The following KCNH1 variants were observed in gnomAD, a reference collection of about 807,000 sequenced individuals.
The protein encoded by KCNH1 is potassium voltage-gated channel subfamily H member 1.
KCNH1 carries 27 observed loss-of-function variants against 69.2 expected under a neutral mutation model. The observed-to-expected ratio is 0.39, with a 90% confidence interval of 0.29 to 0.54. KCNH1 has a LOEUF of 0.54. KCNH1 is among the 20% of genes least tolerant of loss of function. The pLI, the probability that KCNH1 is intolerant of heterozygous loss-of-function variation, is 0.68. For missense variants in KCNH1, 798 were observed against 1,261.6 expected (o/e 0.63, Z 5.57); for synonymous variants, 456 against 487.7 (o/e 0.93, Z 0.86).
At chr1:211,016,582 A>C (rs1461979784) in intron 6 of KCNH1, among the ~76,000 whole-genome samples, 1 of 152,166 alleles carries the variant, frequency 6.6e-6, no homozygotes, top group Non-Finnish European at 1.5e-5. Context: ...ATGTGCTCAC[A>C]GAGAAAAGTA....
At chr1:210,790,240 C>T (rs188830868) in intron 9 of KCNH1, among the ~76,000 whole-genome samples, 65 of 152,358 alleles carry the variant, frequency 4.3e-4, no homozygotes, top group African/African-American at 1.5e-3. Context: ...TGATTCCAGA[C>T]CCACAGGGTC....
intron 10 of KCNH1, among the ~76,000 whole-genome samples, chr1:210,705,325 G>A (rs1681882414): frequency 6.6e-6 from 1 of 152,206 alleles, no homozygotes. Context: ...GAGAAGAACT[G>A]CAGGCCTCAC....
intron 5 of KCNH1, among the ~76,000 whole-genome samples, chr1:211,033,250 A>C (rs1386266234): frequency 6.6e-6 from 1 of 152,264 alleles, no homozygotes; most frequent in Non-Finnish European, 1.5e-5. Flanking sequence ...ATCATTAAAA[A>C]GTCAGGAAAC....
intron 7 of KCNH1, among the ~76,000 whole-genome samples, chr1:210,831,853 A>G (rs1486278465): frequency 6.6e-6 from 1 of 152,168 alleles, no homozygotes; most frequent in Non-Finnish European, 1.5e-5. Context: ...GCTGCTTAAT[A>G]GAACTTTCTG....
At chr1:211,127,084 G>A (rs577253331) in intron 1 of KCNH1, among the ~76,000 whole-genome samples, 4 of 152,240 alleles carry the variant, frequency 2.6e-5, no homozygotes, top group South Asian at 2.1e-4. Flanking sequence ...GTTGGCCTCC[G>A]TCATAGATTC....
intron 6 of KCNH1, among the ~76,000 whole-genome samples, chr1:210,998,331 C>G (rs376348293): frequency 6.6e-6 from 1 of 151,744 alleles, no homozygotes; most frequent in South Asian, 2.1e-4. Flanking sequence ...ACCAAGAAAA[C>G]GGAGAACAAA....
intron 10 of KCNH1, among the ~76,000 whole-genome samples, chr1:210,698,735 T>C (rs1328028089): frequency 6.6e-6 from 1 of 152,130 alleles, no homozygotes; most frequent in Non-Finnish European, 1.5e-5. Flanking sequence ...AACAACCCTA[T>C]GGGTAGCCAC....
intron 7 of KCNH1, among the ~76,000 whole-genome samples, chr1:210,806,478 CT>C (rs1684552265): frequency 6.6e-6 from 1 of 151,748 alleles, no homozygotes; most frequent in Admixed American, 6.6e-5. Flanking sequence ...TTTGAAAATA[CT>C]TTCTCATATC....
chr1:210,937,755 T>C (rs1383324590), intron 6 of KCNH1, among the ~76,000 whole-genome samples: 2 of 151,778 alleles, frequency 1.3e-5, no homozygotes, highest in Non-Finnish European at 2.9e-5. Context: ...TAACATTCTT[T>C]TAATAACCTT....
intron 10 of KCNH1, among the ~76,000 whole-genome samples, chr1:210,746,675 G>A (rs750892055): frequency 1.1e-4 from 17 of 151,774 alleles, no homozygotes; most frequent in Non-Finnish European, 2.2e-4. Context: ...AGCCTCCTGC[G>A]TAGCTGGATT....
intron 5 of KCNH1, among the ~76,000 whole-genome samples, chr1:211,068,184 G>A (rs1031671780): frequency 5.3e-5 from 8 of 152,170 alleles, no homozygotes; most frequent in Non-Finnish European, 1.0e-4. Flanking sequence ...AGTGGGAGAG[G>A]TTTCACTGAA....
chr1:211,099,089 A>G (rs963238406), intron 3 of KCNH1, among the ~76,000 whole-genome samples: 26 of 152,238 alleles, frequency 1.7e-4, no homozygotes, highest in African/African-American at 6.3e-4. Flanking sequence ...TAAATATCTA[A>G]TAATAGAGGA....
chr1:210,689,555 A>G (rs1262086687), intron 10 of KCNH1, among the ~76,000 whole-genome samples: 1 of 152,228 alleles, frequency 6.6e-6, no homozygotes, highest in Non-Finnish European at 1.5e-5. Flanking sequence ...GGTTTGCATA[A>G]ATGAGCAGGG....
At chr1:210,712,978 A>G (rs192723446) in intron 10 of KCNH1, among the ~76,000 whole-genome samples, 1 of 152,228 alleles carries the variant, frequency 6.6e-6, no homozygotes, top group African/African-American at 2.4e-5. Flanking sequence ...CACAATGCAG[A>G]TGACTCGTGC....
At chr1:210,788,911 TGG>T (rs1684161565) in intron 9 of KCNH1, among the ~76,000 whole-genome samples, 1 of 148,756 alleles carries the variant, frequency 6.7e-6, no homozygotes, top group African/African-American at 2.6e-5. Context: ...TTAGCCGGGA[TGG>T]TCTCGATCTC....
At chr1:210,929,133 T>C (rs990591960) in intron 6 of KCNH1, among the ~76,000 whole-genome samples, 4 of 152,150 alleles carry the variant, frequency 2.6e-5, no homozygotes, top group Non-Finnish European at 5.9e-5. Context: ...ACTGACACCA[T>C]TCCAAAAGAC....
At chr1:211,088,054 G>A (rs1426078927) in intron 4 of KCNH1, among the ~76,000 whole-genome samples, 4 of 152,132 alleles carry the variant, frequency 2.6e-5, no homozygotes. Flanking sequence ...CCAGCCCCAA[G>A]TCCCCAAATT....
intron 6 of KCNH1, among the ~76,000 whole-genome samples, chr1:211,009,175 G>A (rs555916736): frequency 6.6e-6 from 1 of 152,258 alleles, no homozygotes; most frequent in African/African-American, 2.4e-5. Context: ...TAGGTCTAAC[G>A]TTGCCAACAT....
chr1:210,892,708 A>C (rs768434119), intron 7 of KCNH1, among the ~76,000 whole-genome samples: 2 of 152,186 alleles, frequency 1.3e-5, no homozygotes, highest in African/African-American at 2.4e-5. Flanking sequence ...AATACAGTGG[A>C]ATCTACTATC....
Sources: allele counts gnomAD v4.1 joint callset (sites outside exome capture counted in the v4.1 genomes callset), GRCh38; gene constraint gnomAD v4.1.1; transcripts MANE v1.5; gene names NCBI Gene and HGNC (gene_info 2026-07-23, HGNC 2026-07-21).